The following FERMT2 variants were observed in gnomAD, a reference collection of about 807,000 sequenced individuals.
FERMT2 encodes the protein FERM domain containing kindlin 2.
A neutral mutation model predicts 82.7 loss-of-function variants in FERMT2; 15 were observed. The observed-to-expected ratio is 0.18, with a 90% CI of 0.12 to 0.28. FERMT2 has a LOEUF of 0.28. FERMT2 is among the 10% of genes least tolerant of loss of function. The probability of loss-of-function intolerance (pLI) is 1.00; values close to 1 mark genes in which losing one functional copy is unlikely to be tolerated. For missense variants in FERMT2, 645 were observed against 809.4 expected, an observed-to-expected ratio of 0.80 and a Z score of 2.46; for synonymous variants, 274 against 271.5, an observed-to-expected ratio of 1.01 and a Z score of -0.09.
chr14:52,866,059 G>C (rs529203442), intron 10 of FERMT2, among the ~76,000 whole-genome samples: 8 of 152,098 alleles, frequency 5.3e-5, no homozygotes, highest in Non-Finnish European at 1.2e-4. Flanking sequence ...ACAATCTTTT[G>C]CACAAATATC....
chr14:52,904,844 T>C (rs1887902492), intron 3 of FERMT2, among the ~76,000 whole-genome samples: 1 of 150,356 alleles, frequency 6.7e-6, no homozygotes, highest in African/African-American at 2.4e-5. Context: ...GCTTTCTTAA[T>C]GTAAACAATG....
At chr14:52,909,923 C>T (rs934104296) in intron 3 of FERMT2, among the ~76,000 whole-genome samples, 3 of 150,964 alleles carry the variant, frequency 2.0e-5, no homozygotes, top group Non-Finnish European at 3.0e-5. Flanking sequence ...CGTGGTGGAG[C>T]GCACCTGTAG....
chr14:52,946,213 C>T (rs2139712710), intron 2 of FERMT2, among the ~76,000 whole-genome samples: 1 of 152,262 alleles, frequency 6.6e-6, no homozygotes, highest in South Asian at 2.1e-4. Flanking sequence ...AGAGGAATCC[C>T]ATAAAATTGG....
rs553128759 is a variant in FERMT2 at position 52,893,837 on chromosome 14, T to G, written c.392-410A>C. ...CATTACCAAATCCCAGTTTTGTTTT[T>G]TTTTTTTTGAGACGGAGTTTCACTC... On this transcript the variant is annotated intron_variant, in intron 3 of 14. Coordinates refer to ENST00000341590, the MANE Select transcript of FERMT2 (RefSeq NM_006832.3). 2.7e-3 allele frequency among the ~76,000 whole-genome samples: 408 copies of G among 152,112 alleles called. 3 individuals carry two copies. The highest frequency in any genetic ancestry group is 9.2e-3 in the African/African-American group (380 of 41,506).
Position 52,875,343 on chromosome 14 carries a change from C to T in FERMT2, c.978G>A (p.Lys326=). The T allele has an allele frequency of 6.2e-7, 1 of 1,602,344 alleles. No homozygotes were observed. Among genetic ancestry groups the T allele is most frequent in the Middle Eastern group, 1.7e-4 (1 of 6,046 alleles). ...GATTCTCTGATGTCATGATTGACAG[C>T]TTATTGATATGATACTGAAACCAGA... ...MFAALQYHIN[K]LSIMTSENHL... The change falls in exon 8 of 15, where the codon AAG becomes AAA. Residue 326 remains lysine, a synonymous_variant. Transcript: ENST00000341590.
chr14:52,860,322 G>A lies in FERMT2; in HGVS notation c.1727+19C>T. Reference sequence around the variant, plus strand: ...AAATGCAGATTAAGGTTTACACATAGATGCTTAGAACCACTGACCTTGCAA... The same window carrying A: ...AAATGCAGATTAAGGTTTACACATAAATGCTTAGAACCACTGACCTTGCAA... On this transcript the variant is annotated intron_variant, in intron 13 of 14. Transcript: ENST00000341590. 1 of 1,611,454 alleles carries A rather than the reference G, an allele frequency of 6.2e-7. No homozygotes were observed. The highest frequency in any genetic ancestry group is 8.5e-7 in the Non-Finnish European group (1 of 1,178,980).
intron 2 of FERMT2, among the ~76,000 whole-genome samples, chr14:52,927,230 T>G (rs1032901849): frequency 7.9e-5 from 12 of 152,180 alleles, no homozygotes; most frequent in African/African-American, 2.6e-4. Flanking sequence ...ACCAAACAGC[T>G]TTTGGTATCA....
chr14:52,937,979 C>T (rs1018247753), intron 2 of FERMT2, among the ~76,000 whole-genome samples: 1 of 152,204 alleles, frequency 6.6e-6, no homozygotes, highest in Non-Finnish European at 1.5e-5. Flanking sequence ...AAGTGCTTTA[C>T]ACATGTGTCT....
chr14:52,886,621 A>G (rs1189761176), intron 4 of FERMT2, among the ~76,000 whole-genome samples: 1 of 152,216 alleles, frequency 6.6e-6, no homozygotes, highest in Non-Finnish European at 1.5e-5. Context: ...CTTTGACACA[A>G]ATCACTAAAA....
In FERMT2 at chr14:52,881,400, C is replaced by A. The variant is rs760214812; in HGVS notation, c.596G>T (p.Ser199Ile). The change falls in exon 5 of 15, where the codon AGC becomes ATC. Residue 199 changes from serine to isoleucine, a missense_variant. By Grantham distance (142) the Ser-to-Ile change is moderately radical. Coordinates refer to ENST00000341590, the MANE Select transcript of FERMT2 (RefSeq NM_006832.3). The part of the protein sequence containing the change: ...MTPTYDAHDG[S>I]PLSPTSAWFG... ...CCAAGCAGAAGTTGGTGACAAGGGG[C>A]TTCCATCATGAGCATCATAAGTGGG... 2 of 1,613,928 alleles carry A rather than the reference C, an allele frequency of 1.2e-6. No individual in the cohort carries two copies. Among genetic ancestry groups the A allele is most frequent in the Non-Finnish European group, 1.7e-6 (2 of 1,179,978 alleles).
intron 2 of FERMT2, among the ~76,000 whole-genome samples, chr14:52,939,498 G>A (rs1890000051): frequency 6.6e-6 from 1 of 151,976 alleles, no homozygotes; most frequent in Non-Finnish European, 1.5e-5. Flanking sequence ...TAAAATAGCT[G>A]GAACTGTAAT....
intron 2 of FERMT2, among the ~76,000 whole-genome samples, chr14:52,932,590 T>A (rs188811749): frequency 6.6e-6 from 1 of 152,256 alleles, no homozygotes; most frequent in Non-Finnish European, 1.5e-5. Context: ...TGGCTATGAA[T>A]GCAAAGAAGC....
At position 52,950,489 on chromosome 14, in the gene FERMT2, A is replaced by G; in HGVS notation, c.80T>C (p.Leu27Pro). The G allele has an allele frequency of 6.2e-7, 1 of 1,614,116 alleles. No homozygotes were observed. Among genetic ancestry groups the G allele is most frequent in the Non-Finnish European group, 8.5e-7 (1 of 1,180,006 alleles). The stretch of plus-strand genomic sequence containing the variant: ...CACTCTCAGGGTGACATCGCGGTTC[A>G]GGTCCGTCACATGGACACTCAGTTC... ...TWELSVHVTD[L>P]NRDVTLRVTG... The change falls in exon 2 of 15, where the codon CTG (leucine) becomes CCG (proline). Residue 27 changes from leucine (L) to proline (P), a missense_variant. Transcript: ENST00000341590.
chr14:52,936,881 G>A (rs1477050390), intron 2 of FERMT2, among the ~76,000 whole-genome samples: 3 of 152,074 alleles, frequency 2.0e-5, no homozygotes, highest in South Asian at 2.1e-4. Context: ...TAGGTCGGGA[G>A]CAGTGGCTCA....
Position 52,859,578 on chromosome 14 carries a change from T to G in FERMT2, c.1864A>C (p.Lys622Gln). The change falls in exon 14 of 15, where the codon AAA (lysine) becomes CAA (glutamine). Residue 622 changes from lysine to glutamine, a missense_variant. By Grantham distance (53) the Lys-to-Gln change is moderately conservative. Coordinates refer to ENST00000341590, the MANE Select transcript of FERMT2 (RefSeq NM_006832.3). ...MKQWNVNWEI[K>Q]MVTVEFADEV... is the part of the protein sequence containing the mutation. ...TAACATTGTTATGAGTTTACCATTT[T>G]GATTTCCCAGTTGACATTCCACTGT... 1 of 1,606,630 alleles carries G rather than the reference T, an allele frequency of 6.2e-7. No homozygotes were observed. The highest frequency in any genetic ancestry group is 1.1e-5 in the South Asian group (1 of 89,338).
chr14:52,910,569 T>C (rs1888258977), intron 3 of FERMT2, among the ~76,000 whole-genome samples: 3 of 152,160 alleles, frequency 2.0e-5, no homozygotes, highest in Non-Finnish European at 4.4e-5. Context: ...AAAAACTTCA[T>C]TTAATTATTA....
chr14:52,927,582 C>T (rs1286732476), intron 2 of FERMT2, among the ~76,000 whole-genome samples: 5 of 92,426 alleles, frequency 5.4e-5, no homozygotes, highest in Non-Finnish European at 1.1e-4. Flanking sequence ...ATAGCAAAAC[C>T]TCATCCCTAT....
intron 2 of FERMT2, among the ~76,000 whole-genome samples, chr14:52,931,593 A>C (rs1000517856): frequency 1.3e-5 from 2 of 152,340 alleles, no homozygotes; most frequent in East Asian, 3.9e-4. Context: ...TTCAGATGAG[A>C]GAGGACAGCT....
Position 52,893,333 on chromosome 14 carries a change from C to A in FERMT2, c.486G>T (p.Glu162Asp). 1.9e-6 allele frequency: 3 copies of A among 1,612,272 alleles called. No homozygotes were observed. The highest frequency in any genetic ancestry group is 2.5e-6 in the Non-Finnish European group (3 of 1,179,490). The part of the protein sequence containing the change: ...KKKLDDQSED[E>D]ALELEGPLIT... ...TAAGAGGCCCCTCTAATTCAAGTGC[C>A]TCATCTTCAGACTGGTCATCTAGCT... Residue 162 changes from glutamate to aspartate, a missense_variant, in exon 4 of 15, where the codon GAG (glutamate) becomes GAT (aspartate). Coordinates refer to ENST00000341590, the MANE Select transcript of FERMT2 (RefSeq NM_006832.3).
Sources: gnomAD v4.1 joint callset for allele counts (sites outside exome capture counted in the v4.1 genomes callset) on GRCh38, gnomAD v4.1.1 for gene constraint, MANE v1.5 for transcripts, NCBI Gene and HGNC (gene_info 2026-07-23, HGNC 2026-07-21) for gene names.